The following MAP9 variants were observed in gnomAD, a reference collection of about 807,000 sequenced individuals.
The protein encoded by MAP9 is microtubule associated protein 9, also known as microtubule-associated protein 9.
Under a neutral mutation model 75.2 loss-of-function variants are expected in MAP9, and 80 were observed. That is an observed-to-expected ratio of 1.06 (90% CI 0.89 to 1.28). The LOEUF (loss-of-function observed/expected upper bound fraction) is 1.28. Among genes scored for constraint, MAP9 ranks in the 50% most tolerant of loss-of-function variants. MAP9 has a pLI of 0.00. For synonymous variants in MAP9, 235 were observed against 237.3 expected, an observed-to-expected ratio of 0.99 and a Z score of 0.09; for missense variants, 753 against 719.9, an observed-to-expected ratio of 1.05 and a Z score of -0.53.
intron 4 of MAP9, among the ~76,000 whole-genome samples, chr4:155,370,764 G>C (rs1560817127): frequency 6.6e-6 from 1 of 152,128 alleles, no homozygotes; most frequent in Admixed American, 6.5e-5. Flanking sequence ...TAGAACTTAC[G>C]CATCCCGCAT....
In MAP9 at chr4:155,347,735, A is replaced by G. The variant is rs750162991; in HGVS notation, c.*48T>C. On this transcript the variant is annotated 3_prime_UTR_variant, in exon 14 of 14. Transcript: ENST00000311277. ...ATTGAATGGTTTTAAATCTATGGCT[A>G]ATATTGGCAAACCGATAAATAACCA... 45 of 1,532,512 alleles carry G rather than the reference A, an allele frequency of 2.9e-5. No homozygotes were observed. The highest frequency in any genetic ancestry group is 4.0e-5 in the Non-Finnish European group (45 of 1,133,226). 94.9% of individuals were successfully genotyped at this position (1,532,512 alleles called of 1,614,324 possible). A position where few individuals can be genotyped will look rare whatever the true frequency, so the allele number is the denominator to read the frequency against.
At chr4:155,349,661 G>A (rs1731424514) in intron 13 of MAP9, 1 of 152,186 alleles carries the variant, frequency 6.6e-6, no homozygotes, top group African/African-American at 2.4e-5. Flanking sequence ...ATAAGGCAAA[G>A]AGGAAACTTC....
chr4:155,369,478 AAAAC>A (rs1732498524), intron 4 of MAP9, among the ~76,000 whole-genome samples: 2 of 71,108 alleles, frequency 2.8e-5, no homozygotes, highest in South Asian at 3.3e-4. Context: ...TAAAAATAAA[AAAAC>A]AAAACAAAAT....
In MAP9 at chr4:155,346,009, A is replaced by T. The variant is rs1482575205; in HGVS notation, c.*1774T>A. The T allele has an allele frequency of 6.6e-6, 1 of 152,182 alleles. No individual in the cohort carries two copies. The highest frequency in any genetic ancestry group is 1.5e-5 in the Non-Finnish European group (1 of 68,024). 9.4% of individuals were successfully genotyped at this position (152,182 alleles called of 1,614,324 possible). A position where few individuals can be genotyped will look rare whatever the true frequency, so the allele number is the denominator to read the frequency against. On this transcript the variant is annotated 3_prime_UTR_variant, in exon 14 of 14. Transcript: ENST00000311277. ...CTACATATTGCTGATAATCAGATCAATTTCATAAAGTATTACAGTTCTGGC... is the reference window on the plus strand; with the variant it reads ...CTACATATTGCTGATAATCAGATCATTTTCATAAAGTATTACAGTTCTGGC...
chr4:155,353,288 G>C lies in MAP9; in HGVS notation c.1433C>G (p.Ala478Gly). Residue 478 changes from alanine (A) to glycine (G), a missense_variant, in exon 11 of 14, where the codon GCT (alanine) becomes GGT (glycine). By Grantham distance (60) the Ala-to-Gly change is moderately conservative. Transcript: ENST00000311277. The part of the protein sequence containing the change: ...EALASFEAWK[A>G]MKEKEAKKIA... ...TTTCTTTGCTTCCTTTTCTTTCATA[G>C]CCTTCCAGGCCTCAAATGATGCTAA... is the stretch of plus-strand genomic sequence containing the variant. 1 of 1,603,000 alleles carries C rather than the reference G, an allele frequency of 6.2e-7. No individual in the cohort carries two copies. The highest frequency in any genetic ancestry group is 8.5e-7 in the Non-Finnish European group (1 of 1,176,770).
rs1340843498 is a variant in MAP9 at position 155,343,252 on chromosome 4, C to A, written c.*4531G>T. ...CATATTTGTATATACACACAGATAGCACAGGAGAGAGACAGAGTGGGAGAG... is the reference window on the plus strand; with the variant it reads ...CATATTTGTATATACACACAGATAGAACAGGAGAGAGACAGAGTGGGAGAG... On this transcript the variant is annotated 3_prime_UTR_variant, in exon 14 of 14. Coordinates refer to ENST00000311277, the MANE Select transcript of MAP9 (RefSeq NM_001039580.2). The A allele has an allele frequency of 1.4e-5, 2 of 147,054 alleles. No homozygotes were observed. Among genetic ancestry groups the A allele is most frequent in the African/African-American group, 4.9e-5 (2 of 40,550 alleles). The allele number at this position is 147,054 out of a possible 1,614,324, so 9.1% of individuals were successfully genotyped here.
chr4:155,374,602 C>T (rs1732755896), intron 3 of MAP9, among the ~76,000 whole-genome samples: 1 of 152,242 alleles, frequency 6.6e-6, no homozygotes, highest in African/African-American at 2.4e-5. Context: ...GCTGTAGCAC[C>T]TCCTAGGGTT....
rs771668477 is a variant in MAP9, at chr4:155,357,529, A to G, written c.1051-10T>C. The G allele has an allele frequency of 5.8e-5, 84 of 1,435,974 alleles. 1 individual carries two copies. In the Admixed American group the frequency reaches 1.4e-3, roughly 24 times the overall value. 89.0% of individuals were successfully genotyped at this position (1,435,974 alleles called of 1,614,324 possible). A position where few individuals can be genotyped will look rare whatever the true frequency, so the allele number is the denominator to read the frequency against. ...TATCTTCAATTGTTTTCTATTAAACAGAAAATGCCAAAGATGATTTATTCA... is the reference window on the plus strand; with the variant it reads ...TATCTTCAATTGTTTTCTATTAAACGGAAAATGCCAAAGATGATTTATTCA... On this transcript the variant is annotated splice_polypyrimidine_tract_variant and intron_variant, in intron 7 of 13. Coordinates refer to ENST00000311277, the MANE Select transcript of MAP9 (RefSeq NM_001039580.2).
intron 4 of MAP9, 78 bp downstream of exon 4, chr4:155,373,058 A>G (rs535999871): frequency 1.1e-6 from 1 of 904,344 alleles, no homozygotes; most frequent in East Asian, 2.7e-5. Context: ...TATACTAGCT[A>G]CCATATAAAA....
rs532134215 is a variant in MAP9, at chr4:155,343,463, A to G, written c.*4320T>C. On this transcript the variant is annotated 3_prime_UTR_variant, in exon 14 of 14. Transcript: ENST00000311277. Reference sequence around the variant, plus strand: ...TATTTGCATTTTCTAATTATTTAATAATTATATAATTATATTATCTCTCTC... The same window carrying G: ...TATTTGCATTTTCTAATTATTTAATGATTATATAATTATATTATCTCTCTC... 9 of 151,574 alleles carry G rather than the reference A, an allele frequency of 5.9e-5. No individual in the cohort carries two copies. The East Asian group carries it at 1.7e-3, about 29-fold the overall frequency. The allele number at this position is 151,574 out of a possible 1,614,324, so 9.4% of individuals were successfully genotyped here.
At chr4:155,357,195 G>A (rs1421916223) in intron 8 of MAP9, 4 of 407,318 alleles carry the variant, frequency 9.8e-6, no homozygotes, top group Middle Eastern at 6.9e-4. Context: ...CGATCCTGGA[G>A]AGCAAAGGTA....
chr4:155,373,859 GA>G (rs1732716129), intron 3 of MAP9, among the ~76,000 whole-genome samples: 1 of 151,930 alleles, frequency 6.6e-6, no homozygotes, highest in South Asian at 2.1e-4. Flanking sequence ...GTAAATGGAA[GA>G]ATTTAATTAG....
intron 13 of MAP9, 169 bp downstream of exon 13, chr4:155,352,427 C>A: frequency 6.6e-6 from 4 of 608,052 alleles, no homozygotes; most frequent in East Asian, 3.7e-5. Flanking sequence ...ATAGAAATGA[C>A]TAAGTCAAAG....
intron 13 of MAP9, chr4:155,350,117 A>G (rs17377470): frequency 0.18 from 49,159 of 277,110 alleles, 4,681 homozygotes; most frequent in Non-Finnish European, 0.2. Flanking sequence ...ACTTTCCCCT[A>G]AAGCAATTAC....
Position 155,355,862 on chromosome 4 carries a change from T to C in MAP9, c.1144A>G (p.Lys382Glu). Reference sequence around the variant, plus strand: ...GTTCTCCTTTTAGAACTAGATTTCTTCAAAAACTCAGAGGTCATTAATCTG... The same window carrying C: ...GTTCTCCTTTTAGAACTAGATTTCTCCAAAAACTCAGAGGTCATTAATCTG... ...SARLMTSEFL[K>E]KSSSKRRTPS... is the part of the protein sequence containing the mutation. The change falls in exon 9 of 14, where the codon AAG becomes GAG. Residue 382 changes from lysine to glutamate, a missense_variant. Lys to Glu is a moderately conservative substitution (Grantham distance 56, BLOSUM62 1). Coordinates refer to ENST00000311277, the MANE Select transcript of MAP9 (RefSeq NM_001039580.2). 6.2e-7 allele frequency: 1 copy of C among 1,612,950 alleles called. No individual in the cohort carries two copies. Among genetic ancestry groups the C allele is most frequent in the South Asian group, 1.1e-5 (1 of 91,024 alleles).
chr4:155,363,297 A>G (rs190583464), intron 5 of MAP9: 28 of 152,280 alleles, frequency 1.8e-4, no homozygotes, highest in African/African-American at 6.7e-4. Context: ...GCTAGAAAAT[A>G]TGTTTGAAGG....
rs1731232328 is a variant in MAP9, at chr4:155,344,985, T to C, written c.*2798A>G. 6.6e-6 allele frequency: 1 copy of C among 152,030 alleles called. No homozygotes were observed. The highest frequency in any genetic ancestry group is 1.5e-5 in the Non-Finnish European group (1 of 67,894). 9.4% of individuals were successfully genotyped at this position (152,030 alleles called of 1,614,324 possible). ...TATATGAAAGTCTATATACTTTTAA[T>C]GTCCTTAATTTGAATTAAACATTCC... On this transcript the variant is annotated 3_prime_UTR_variant, in exon 14 of 14. Transcript: ENST00000311277.
Position 155,362,178 on chromosome 4 carries a change from T to C in MAP9, c.709-37A>G, listed in dbSNP as rs775256313. On this transcript the variant is annotated intron_variant, in intron 5 of 13. Transcript: ENST00000311277. ...AAAAAAAATACATTTGCCACATAAG[T>C]TTAATAATTAACATTTATGGGAACA... is the stretch of plus-strand genomic sequence containing the variant. 27 of 1,229,554 alleles carry C rather than the reference T, an allele frequency of 2.2e-5. No individual in the cohort carries two copies. In the African/African-American group the frequency reaches 2.6e-4, roughly 12 times the overall value. 76.2% of individuals were successfully genotyped at this position (1,229,554 alleles called of 1,614,324 possible).
chr4:155,349,250 T>C (rs1731401610), intron 13 of MAP9: 1 of 152,574 alleles, frequency 6.6e-6, no homozygotes, highest in African/African-American at 2.4e-5. Flanking sequence ...AAATATCCAT[T>C]GTGACTAAGG....
Sources: gnomAD v4.1 joint callset for allele counts (sites outside exome capture counted in the v4.1 genomes callset) on GRCh38, gnomAD v4.1.1 for gene constraint, MANE v1.5 for transcripts, NCBI Gene and HGNC (gene_info 2026-07-23, HGNC 2026-07-21) for gene names.